The following VPS13B variants were observed in gnomAD, a reference collection of about 807,000 sequenced individuals.
The protein encoded by VPS13B is vacuolar protein sorting 13 homolog B.
VPS13B carries 285 observed loss-of-function variants against 426.4 expected under a neutral mutation model. The observed-to-expected ratio is 0.67, with a 90% CI of 0.61 to 0.74. The LOEUF (loss-of-function observed/expected upper bound fraction) is 0.74. Among genes scored for constraint, VPS13B ranks in the 30% least tolerant of loss-of-function variants. The pLI, the probability that VPS13B is intolerant of heterozygous loss-of-function variation, is 0.00. For synonymous variants in VPS13B, 1,676 were observed against 1,676.4 expected (o/e 1.00, Z 0.01); for missense variants, 4,537 against 4,782.6 (o/e 0.95, Z 1.51).
chr8:99,534,850 T>C (rs947239585), intron 30 of VPS13B, among the ~76,000 whole-genome samples: 1 of 152,196 alleles, frequency 6.6e-6, no homozygotes, highest in African/African-American at 2.4e-5. Flanking sequence ...TGCAAATTTA[T>C]TCCTATAGCT....
chr8:99,434,454 G>T (rs562774637), intron 22 of VPS13B, among the ~76,000 whole-genome samples: 1 of 152,268 alleles, frequency 6.6e-6, no homozygotes, highest in South Asian at 2.1e-4. Context: ...ACAAATGTCT[G>T]TTGTTTTAGG....
intron 31 of VPS13B, among the ~76,000 whole-genome samples, chr8:99,567,139 AAC>A (rs1370771060): frequency 1.3e-5 from 2 of 152,198 alleles, no homozygotes; most frequent in Non-Finnish European, 2.9e-5. Context: ...CTAAATCCTC[AAC>A]ACAGTTTCTA....
chr8:99,479,527 A>G (rs552276660), intron 24 of VPS13B, among the ~76,000 whole-genome samples: 50 of 152,324 alleles, frequency 3.3e-4, no homozygotes, highest in Admixed American at 5.2e-4. Context: ...AAGATTTGGC[A>G]TACATACACA....
chr8:99,440,513 T>A (rs1471117799), intron 22 of VPS13B, among the ~76,000 whole-genome samples: 1 of 152,110 alleles, frequency 6.6e-6, no homozygotes, highest in Non-Finnish European at 1.5e-5. Context: ...AAGATTTATG[T>A]GATAGCTTTA....
chr8:99,818,734 A>G lies in VPS13B; in HGVS notation c.8467A>G (p.Ile2823Val). Residue 2823 changes from isoleucine to valine, a missense_variant, in exon 47 of 62, where the codon ATC (isoleucine) becomes GTC (valine). Physicochemically the swap from Ile to Val is conservative, Grantham distance 29 (BLOSUM62 3). Around this residue, in one of 2 missense-constraint regions of VPS13B, gnomAD observed 4,311 missense variants for 4,474.3 expected, o/e 0.96. Transcript: ENST00000357162. ...ATAGATTGTGTTCAGCCCTCTTTTT[A>G]TCATGAGGAGTCATCTTCCAGACCC... is the stretch of plus-strand genomic sequence containing the variant. The part of the protein sequence containing the change: ...QRMIVFSPLF[I>V]MRSHLPDPII... The G allele has an allele frequency of 5.0e-6, 8 of 1,613,912 alleles. No homozygotes were observed. Among genetic ancestry groups the G allele is most frequent in the South Asian group, 1.1e-5 (1 of 91,070 alleles).
intron 19 of VPS13B, among the ~76,000 whole-genome samples, chr8:99,292,011 A>G (rs991169942): frequency 6.6e-6 from 1 of 152,280 alleles, no homozygotes; most frequent in Middle Eastern, 3.4e-3. Context: ...ATTGTAGAAT[A>G]TAAGATTGGA....
At chr8:99,319,904 TC>T (rs1172511052) in intron 19 of VPS13B, among the ~76,000 whole-genome samples, 1 of 152,198 alleles carries the variant, frequency 6.6e-6, no homozygotes, top group Non-Finnish European at 1.5e-5. Context: ...GACATGTGCT[TC>T]ATGTGGGATG....
At position 99,876,486 on chromosome 8, in the gene VPS13B, C is replaced by G. The variant is rs1209198394; in HGVS notation, c.*820C>G. ...ATATTGAATCCAGTCCCAAAGTGTT[C>G]AGGTGAGTTTCTCTAGTTCCATAAA... On this transcript the variant is annotated 3_prime_UTR_variant, in exon 62 of 62. Coordinates refer to ENST00000357162, the MANE Select transcript of VPS13B (RefSeq NM_152564.5). The G allele has an allele frequency of 6.6e-6, 1 of 152,188 alleles. No individual in the cohort carries two copies. Among genetic ancestry groups the G allele is most frequent in the Admixed American group, 6.5e-5 (1 of 15,288 alleles). 9.4% of individuals were successfully genotyped at this position (152,188 alleles called of 1,614,324 possible).
chr8:99,843,785 A>G (rs1815833345), intron 54 of VPS13B, among the ~76,000 whole-genome samples: 1 of 152,158 alleles, frequency 6.6e-6, no homozygotes, highest in Non-Finnish European at 1.5e-5. Context: ...TCTTCCTTGG[A>G]CACTTGAAGT....
chr8:99,643,767 G>A (rs775220752), intron 34 of VPS13B, among the ~76,000 whole-genome samples: 19 of 152,164 alleles, frequency 1.2e-4, no homozygotes, highest in Non-Finnish European at 2.6e-4. Flanking sequence ...CCTACACCAA[G>A]AGCCATTTGT....
intron 36 of VPS13B, among the ~76,000 whole-genome samples, chr8:99,709,087 C>A (rs574293075): frequency 1.4e-4 from 22 of 152,122 alleles, no homozygotes; most frequent in Admixed American, 2.0e-4. Flanking sequence ...ACAATACTTA[C>A]AAAATTTTGT....
chr8:99,024,098 A>G (rs1284087239), intron 2 of VPS13B, among the ~76,000 whole-genome samples: 1 of 152,156 alleles, frequency 6.6e-6, no homozygotes, highest in Non-Finnish European at 1.5e-5. Flanking sequence ...GGTAATAGCT[A>G]TTCTAACTGA....
At position 99,870,849 on chromosome 8, in the gene VPS13B, T is replaced by C. The variant is rs763130797; in HGVS notation, c.11457T>C (p.His3819=). 6 of 1,614,098 alleles carry C rather than the reference T, an allele frequency of 3.7e-6. No individual in the cohort carries two copies. The highest frequency in any genetic ancestry group is 4.2e-6 in the Non-Finnish European group (5 of 1,180,040). The change falls in exon 60 of 62, where the codon CAT becomes CAC. Residue 3819 remains histidine (H), a synonymous_variant. Transcript: ENST00000357162. Reference sequence around the variant, plus strand: ...AGCGCCATCAGCCAAGTGATCTACATGCTGACCAGGCTCCAAACAGCCATG... The same window carrying C: ...AGCGCCATCAGCCAAGTGATCTACACGCTGACCAGGCTCCAAACAGCCATG... The part of the protein sequence containing the change: ...PKQRHQPSDL[H]ADQAPNSHVK...
At chr8:99,249,135 A>G (rs1817371108) in intron 17 of VPS13B, among the ~76,000 whole-genome samples, 1 of 145,270 alleles carries the variant, frequency 6.9e-6, no homozygotes, top group Admixed American at 7.0e-5. Flanking sequence ...TAAAGGAATC[A>G]TATATTAATA....
chr8:99,818,301 G>A (rs886699747), intron 45 of VPS13B, 150 bp from the exon 46 acceptor site: 1 of 782,462 alleles, frequency 1.3e-6, no homozygotes, highest in Admixed American at 2.4e-5. Context: ...CCATAATGAA[G>A]TCTGTTTTTG....
chr8:99,491,726 T>G (rs745733315), intron 25 of VPS13B, among the ~76,000 whole-genome samples: 2 of 152,160 alleles, frequency 1.3e-5, no homozygotes, highest in Non-Finnish European at 2.9e-5. Flanking sequence ...TCATTTAAGG[T>G]CTTGTCTACA....
intron 22 of VPS13B, among the ~76,000 whole-genome samples, chr8:99,436,393 T>G (rs967887348): frequency 5.3e-5 from 8 of 152,200 alleles, no homozygotes; most frequent in African/African-American, 1.9e-4. Flanking sequence ...TCATTTTTCC[T>G]TTTTTAATCT....
intron 25 of VPS13B, among the ~76,000 whole-genome samples, chr8:99,483,681 T>C (rs1820159655): frequency 6.6e-6 from 1 of 152,196 alleles, no homozygotes; most frequent in Non-Finnish European, 1.5e-5. Flanking sequence ...ACAGTTGTTT[T>C]CTAAGTACTG....
At chr8:99,106,033 T>C (rs1847024828) in intron 5 of VPS13B, among the ~76,000 whole-genome samples, 1 of 152,242 alleles carries the variant, frequency 6.6e-6, no homozygotes, top group South Asian at 2.1e-4. Context: ...TTTAACCCTT[T>C]AACTCTCTGA....
Sources: allele counts gnomAD v4.1 joint callset (sites outside exome capture counted in the v4.1 genomes callset), GRCh38; gene constraint gnomAD v4.1.1; regional missense constraint gnomAD v4.1.1; transcripts MANE v1.5; gene names NCBI Gene and HGNC (gene_info 2026-07-23, HGNC 2026-07-21).